Variants in YY1AP1 observed in about 807,000 individuals in gnomAD.
YY1AP1 encodes the protein YY1-associated protein 1.
Under a neutral mutation model 39.9 loss-of-function variants are expected in YY1AP1, and 43 were observed. That is an observed-to-expected ratio of 1.08 (90% confidence interval 0.84 to 1.39). The LOEUF (loss-of-function observed/expected upper bound fraction) is 1.39. Among genes scored for constraint, YY1AP1 ranks in the 40% most tolerant of loss-of-function variants. The pLI is 0.00. For synonymous variants in YY1AP1, 292 were observed against 331.3 expected, an observed-to-expected ratio of 0.88 and a Z score of 1.29; for missense variants, 813 against 900.7, an observed-to-expected ratio of 0.90 and a Z score of 1.25.
intron 9 of YY1AP1, among the ~76,000 whole-genome samples, chr1:155,663,073 T>TA (rs763263741): frequency 6.6e-6 from 1 of 151,196 alleles, no homozygotes; most frequent in African/African-American, 2.4e-5. Flanking sequence ...AACTAAAACT[T>TA]AAACACAAAT....
chr1:155,675,163 T>A, intron 5 of YY1AP1, 67 bp from the exon 6 acceptor site: 1 of 1,320,984 alleles, frequency 7.6e-7, no homozygotes, highest in Admixed American at 1.9e-5. Flanking sequence ...CCCAGAGATA[T>A]TTTTTTTTCC....
chr1:155,663,006 G>C (rs1050121975), intron 9 of YY1AP1, among the ~76,000 whole-genome samples: 3 of 149,112 alleles, frequency 2.0e-5, no homozygotes, highest in Admixed American at 6.7e-5. Context: ...CTCCAACCCC[G>C]ACACCCCGCC....
rs566869739 is a variant in YY1AP1 at position 155,688,320 on chromosome 1, GGCGGCGGCA to G, written c.-151-128_-151-120del. Reference sequence around the variant, plus strand: ...TCCCCTCGCAAAGCGAACCCAAAATGGCGGCGGCAGCGGCGGCAGCAGAGTGGCCGCGGC... The same window carrying G: ...TCCCCTCGCAAAGCGAACCCAAAATGGCGGCGGCAGCAGAGTGGCCGCGGC... On this transcript the variant is annotated intron_variant, in intron 1 of 10. Coordinates refer to ENST00000355499, the MANE Select transcript of YY1AP1 (RefSeq NM_139119.3). 1,218 of 1,556,332 alleles carry G rather than the reference GGCGGCGGCA, an allele frequency of 7.8e-4. 2 individuals are homozygous for G. The highest frequency in any genetic ancestry group is 7.7e-3 in the East Asian group (318 of 41,300).
rs201495677 is a variant in YY1AP1, at chr1:155,670,414, T to C, written c.634A>G (p.Ser212Gly). 28 of 1,614,042 alleles carry C rather than the reference T, an allele frequency of 1.7e-5. No individual in the cohort carries two copies. The highest frequency in any genetic ancestry group is 3.3e-5 in the Admixed American group (2 of 59,998). ...PKQVAWILAT[S>G]KVFMYPELLP... ...AACTCTGGATACATGAAAACCTTGC[T>C]TGTGGCCAGGATCCAAGCCACTTGC... Residue 212 changes from serine (S) to glycine (G), a missense_variant, in exon 8 of 11, where the codon AGC becomes GGC. Physicochemically the swap from Ser to Gly is moderately conservative, Grantham distance 56. Coordinates refer to ENST00000355499, the MANE Select transcript of YY1AP1 (RefSeq NM_139119.3).
Position 155,659,619 on chromosome 1 carries a change from G to C in YY1AP1, c.*38C>G, listed in dbSNP as rs779056591. The C allele has an allele frequency of 6.2e-7, 1 of 1,610,362 alleles. No individual in the cohort carries two copies. Among genetic ancestry groups the C allele is most frequent in the South Asian group, 1.1e-5 (1 of 90,848 alleles). ...TATGCGCCACCAATCGGAGGCCGAA[G>C]TGAAGGCTCCCAGTCTCCAGACTCT... On this transcript the variant is annotated 3_prime_UTR_variant, in exon 11 of 11. Transcript: ENST00000355499.
chr1:155,669,721 G>A (rs1306418190), intron 8 of YY1AP1, among the ~76,000 whole-genome samples: 1 of 152,096 alleles, frequency 6.6e-6, no homozygotes, highest in Non-Finnish European at 1.5e-5. Flanking sequence ...TACACACAAA[G>A]GGCCATAAAA....
chr1:155,661,189 A>G, intron 10 of YY1AP1, 118 bp downstream of exon 10: 1 of 1,607,820 alleles, frequency 6.2e-7, no homozygotes, highest in African/African-American at 1.3e-5. Flanking sequence ...AATCAGGAAG[A>G]TTCCTGAAGT....
chr1:155,672,179 A>C (rs995274190), intron 7 of YY1AP1: 1 of 306,972 alleles, frequency 3.3e-6, no homozygotes. Flanking sequence ...ATCTTAATGA[A>C]GAGAATAAAA....
intron 10 of YY1AP1, 100 bp downstream of exon 10, chr1:155,661,207 C>G (rs774511126): frequency 1.1e-5 from 17 of 1,613,104 alleles, no homozygotes; most frequent in Middle Eastern, 1.6e-4. Context: ...AGTCCTAGTT[C>G]TACAACTAAA....
Position 155,668,642 on chromosome 1 carries a change from A to G in YY1AP1, c.864T>C (p.Pro288=). The change falls in exon 9 of 11, where the codon CCT becomes CCC. Residue 288 remains proline (P), a synonymous_variant. Coordinates refer to ENST00000355499, the MANE Select transcript of YY1AP1 (RefSeq NM_139119.3). ...RIKNLNMNRA[P]DNIIKFYKKT... The stretch of plus-strand genomic sequence containing the variant: ...AAACACTCACTTTAATGATGTTGTC[A>G]GGAGCTCTGTTCATGTTGAGGTTCT... The G allele has an allele frequency of 3.7e-6, 6 of 1,614,200 alleles. No individual in the cohort carries two copies. The highest frequency in any genetic ancestry group is 5.1e-6 in the Non-Finnish European group (6 of 1,180,028).
intron 2 of YY1AP1, among the ~76,000 whole-genome samples, chr1:155,683,735 A>T (rs1651837532): frequency 6.7e-6 from 1 of 149,702 alleles, no homozygotes; most frequent in South Asian, 2.1e-4. Flanking sequence ...GAGAACTGTC[A>T]TAACCACCCC....
intron 9 of YY1AP1, among the ~76,000 whole-genome samples, 186 bp from the exon 10 acceptor site, chr1:155,661,609 T>C (rs1296462920): frequency 1.3e-5 from 2 of 151,800 alleles, no homozygotes; most frequent in African/African-American, 4.8e-5. Context: ...TGCTGAATAC[T>C]TGTACATTTC....
rs181647395 is a variant in YY1AP1 at position 155,670,145 on chromosome 1, C to G, written c.728+175G>C. ...TTTTAAAAATGTGTGTAACATCCCCCCAAAAAGCAGTATTTGGCACTGCTA... is the reference window on the plus strand; with the variant it reads ...TTTTAAAAATGTGTGTAACATCCCCGCAAAAAGCAGTATTTGGCACTGCTA... On this transcript the variant is annotated intron_variant, in intron 8 of 10. Coordinates refer to ENST00000355499, the MANE Select transcript of YY1AP1 (RefSeq NM_139119.3). Among the ~76,000 whole-genome samples, 346 of 152,240 alleles carry G rather than the reference C, an allele frequency of 2.3e-3. 4 individuals carry two copies. The highest frequency in any genetic ancestry group is 0.02 in the South Asian group (98 of 4,824).
intron 5 of YY1AP1, among the ~76,000 whole-genome samples, chr1:155,675,487 C>T (rs976075003): frequency 1.3e-5 from 2 of 152,002 alleles, no homozygotes; most frequent in Admixed American, 6.6e-5. Flanking sequence ...GCCGCCACAC[C>T]CAGCTAATTT....
chr1:155,661,522 C>T, intron 9 of YY1AP1, 99 bp from the exon 10 acceptor site: 2 of 1,336,060 alleles, frequency 1.5e-6, no homozygotes, highest in Non-Finnish European at 2.0e-6. Flanking sequence ...GAGAAACACA[C>T]ACACACACAC....
At position 155,664,793 on chromosome 1, in the gene YY1AP1, G is replaced by A. The variant is rs988353865; in HGVS notation, c.880-3370C>T. On this transcript the variant is annotated intron_variant, in intron 9 of 10. Coordinates refer to ENST00000355499, the MANE Select transcript of YY1AP1 (RefSeq NM_139119.3). ...ATTTTTTTTTTTTTTTTTTTAATAC[G>A]GAGTCTCGCTCTGTCACCCAGGCTG... Among the ~76,000 whole-genome samples, 9 of 146,206 alleles carry A rather than the reference G, an allele frequency of 6.2e-5. No individual in the cohort carries two copies. In the East Asian group the frequency reaches 1.4e-3, roughly 23 times the overall value.
At chr1:155,663,894 A>T (rs1226607285) in intron 9 of YY1AP1, among the ~76,000 whole-genome samples, 1 of 152,060 alleles carries the variant, frequency 6.6e-6, no homozygotes, top group South Asian at 2.1e-4. Flanking sequence ...CTCAAGAGTT[A>T]AATGGGGCCA....
intron 7 of YY1AP1, chr1:155,672,239 CCA>C (rs1306892979): frequency 5.2e-6 from 2 of 387,524 alleles, no homozygotes; most frequent in Admixed American, 7.6e-5. Context: ...TTACCAGGCC[CCA>C]GTTTATCTTG....
chr1:155,659,757 C>T lies in YY1AP1; in HGVS notation c.2153G>A (p.Gly718Asp), dbSNP rs1647732537. ...GRQALEPLPQ[G>D]IQESLNNSSP... is the part of the protein sequence containing the mutation. ...AGAGTTGTTTAGAGACTCCTGGATGCCCTGAGGGAGCGGCTCCAGAGCTTG... is the reference window on the plus strand; with the variant it reads ...AGAGTTGTTTAGAGACTCCTGGATGTCCTGAGGGAGCGGCTCCAGAGCTTG... The change falls in exon 11 of 11, where the codon GGC becomes GAC. Residue 718 changes from glycine (G) to aspartate (D), a missense_variant. Around this residue, in one of 3 missense-constraint regions of YY1AP1, gnomAD observed 586 missense variants for 647.4 expected, o/e 0.91. Coordinates refer to ENST00000355499, the MANE Select transcript of YY1AP1 (RefSeq NM_139119.3). 2.5e-6 allele frequency: 4 copies of T among 1,614,110 alleles called. No individual in the cohort carries two copies. The highest frequency in any genetic ancestry group is 2.5e-6 in the Non-Finnish European group (3 of 1,180,048).
Sources: allele counts gnomAD v4.1 joint callset (sites outside exome capture counted in the v4.1 genomes callset), GRCh38; gene constraint gnomAD v4.1.1; regional missense constraint gnomAD v4.1.1; transcripts MANE v1.5; gene names NCBI Gene and HGNC (gene_info 2026-07-23, HGNC 2026-07-21).